Variants in WWC2 observed in about 807,000 individuals in gnomAD.
The protein encoded by WWC2 is WW and C2 domain containing 2, also known as protein WWC2.
WWC2 carries 101 observed loss-of-function variants against 138.5 expected under a neutral mutation model. That is an observed-to-expected ratio of 0.73 (90% CI 0.62 to 0.86). WWC2 has a LOEUF of 0.86. Ranked by LOEUF, WWC2 falls within the 40% of genes least tolerant of loss-of-function variation. The pLI, the probability that WWC2 is intolerant of heterozygous loss-of-function variation, is 0.00. For missense variants in WWC2, 1,420 were observed against 1,419.4 expected, an observed-to-expected ratio of 1.00 and a Z score of -0.01; for synonymous variants, 558 against 538.4, an observed-to-expected ratio of 1.04 and a Z score of -0.50.
At chr4:183,110,801 C>T (rs1579946263) in intron 1 of WWC2, among the ~76,000 whole-genome samples, 2 of 152,128 alleles carry the variant, frequency 1.3e-5, no homozygotes, top group African/African-American at 4.8e-5. Flanking sequence ...AAGAGGCTTT[C>T]CTTTGGTGTG....
rs1189890495 is a variant in WWC2, at chr4:183,258,191, G to A, written c.1197-1448G>A. ...AGACATGGATTTTAGTAGAGTTTGG[G>A]GCTTTCTTCAGACCTTTGTGCACTT... On this transcript the variant is annotated intron_variant, in intron 9 of 22. Transcript: ENST00000403733. 2.0e-5 allele frequency among the ~76,000 whole-genome samples: 3 copies of A among 152,058 alleles called. No homozygotes were observed. The East Asian group carries it at 5.8e-4, about 29-fold the overall frequency.
intron 18 of WWC2, 59 bp downstream of exon 18, chr4:183,282,965 GGAGAT>G: frequency 6.9e-7 from 1 of 1,452,122 alleles, no homozygotes; most frequent in Admixed American, 2.6e-5. Flanking sequence ...TGTGGACTAG[GGAGAT>G]GCTTGTTTGT....
intron 10 of WWC2, 51 bp downstream of exon 10, chr4:183,259,779 C>A: frequency 8.3e-7 from 1 of 1,210,390 alleles, no homozygotes; most frequent in South Asian, 1.4e-5. Flanking sequence ...ATAGCATGTT[C>A]TTGTTCATCT....
chr4:183,246,556 CTT>C (rs2111325470), intron 6 of WWC2, among the ~76,000 whole-genome samples: 1 of 152,234 alleles, frequency 6.6e-6, no homozygotes, highest in African/African-American at 2.4e-5. Flanking sequence ...TAAATACTGA[CTT>C]TGTGCCAGAC....
chr4:183,276,971 T>TA (rs1464645077), intron 16 of WWC2, among the ~76,000 whole-genome samples: 50 of 151,338 alleles, frequency 3.3e-4, no homozygotes, highest in African/African-American at 6.3e-4. Context: ...ATCATTTCTT[T>TA]TTTATTATTA....
intron 1 of WWC2, among the ~76,000 whole-genome samples, chr4:183,115,352 G>A (rs115463995): frequency 0.046 from 7,015 of 152,248 alleles, 179 homozygotes; most frequent in African/African-American, 0.069. Context: ...ATGTGTCTTT[G>A]TGGCAGAATG....
At position 183,175,602 on chromosome 4, in the gene WWC2, C is replaced by T. The variant is rs139775000; in HGVS notation, c.132-17997C>T. 6.6e-5 allele frequency among the ~76,000 whole-genome samples: 10 copies of T among 152,232 alleles called. No homozygotes were observed. In the East Asian group the frequency reaches 1.5e-3, roughly 24 times the overall value. ...ATAACTTTTTTTGCCTTAAAAATTG[C>T]GATCCCATCGTGGTAAACATGCTGC... is the stretch of plus-strand genomic sequence containing the variant. On this transcript the variant is annotated intron_variant, in intron 1 of 22. Coordinates refer to ENST00000403733, the MANE Select transcript of WWC2 (RefSeq NM_024949.6).
At chr4:183,291,462 G>GT (rs1182002795) in intron 21 of WWC2, among the ~76,000 whole-genome samples, 3 of 152,194 alleles carry the variant, frequency 2.0e-5, no homozygotes, top group African/African-American at 7.2e-5. Context: ...ACTCTCTTGA[G>GT]TTTTTAACTC....
intron 21 of WWC2, among the ~76,000 whole-genome samples, chr4:183,299,137 T>G (rs1738738232): frequency 1.3e-5 from 2 of 152,152 alleles, no homozygotes; most frequent in Admixed American, 1.3e-4. Flanking sequence ...TCTTGCTGTG[T>G]CATCCCATGG....
intron 19 of WWC2, among the ~76,000 whole-genome samples, chr4:183,284,949 A>G (rs957862454): frequency 1.3e-5 from 2 of 152,224 alleles, no homozygotes; most frequent in African/African-American, 4.8e-5. Flanking sequence ...TAATATTATA[A>G]ACTGGGTTAG....
At chr4:183,207,654 A>G (rs918669537) in intron 2 of WWC2, among the ~76,000 whole-genome samples, 1 of 152,132 alleles carries the variant, frequency 6.6e-6, no homozygotes, top group African/African-American at 2.4e-5. Context: ...GCTGGAATGA[A>G]TAGCTTGGCT....
chr4:183,296,281 T>G (rs942718419), intron 21 of WWC2, among the ~76,000 whole-genome samples: 77 of 152,346 alleles, frequency 5.1e-4, no homozygotes, highest in African/African-American at 1.8e-3. Flanking sequence ...ACAGGCCTTC[T>G]GGCACCCACA....
At chr4:183,228,572 G>A (rs1243796387) in intron 4 of WWC2, among the ~76,000 whole-genome samples, 1 of 152,114 alleles carries the variant, frequency 6.6e-6, no homozygotes, top group Non-Finnish European at 1.5e-5. Flanking sequence ...GTATTGGTTA[G>A]ACCACATTCT....
chr4:183,249,652 A>G (rs1560866199), intron 7 of WWC2, among the ~76,000 whole-genome samples: 1 of 152,220 alleles, frequency 6.6e-6, no homozygotes, highest in Non-Finnish European at 1.5e-5. Flanking sequence ...TTACCTTGGT[A>G]TTTACAGTAT....
At chr4:183,131,054 A>T (rs1323359177) in intron 1 of WWC2, among the ~76,000 whole-genome samples, 1 of 152,194 alleles carries the variant, frequency 6.6e-6, no homozygotes, top group Non-Finnish European at 1.5e-5. Flanking sequence ...ATAATAAAAA[A>T]TCCGGAGGTA....
chr4:183,184,129 GT>G (rs2111190479), intron 1 of WWC2, among the ~76,000 whole-genome samples: 1 of 152,254 alleles, frequency 6.6e-6, no homozygotes, highest in Non-Finnish European at 1.5e-5. Flanking sequence ...CCACTGAGCA[GT>G]TTCTATTTAC....
At chr4:183,161,274 A>G (rs1276194399) in intron 1 of WWC2, among the ~76,000 whole-genome samples, 1 of 152,214 alleles carries the variant, frequency 6.6e-6, no homozygotes, top group Non-Finnish European at 1.5e-5. Flanking sequence ...CTACAAACAG[A>G]AACTTCATTA....
At chr4:183,112,565 A>G (rs1224374740) in intron 1 of WWC2, among the ~76,000 whole-genome samples, 1 of 152,222 alleles carries the variant, frequency 6.6e-6, no homozygotes, top group African/African-American at 2.4e-5. Context: ...CAATCAAACT[A>G]TTCGTCACAC....
intron 2 of WWC2, among the ~76,000 whole-genome samples, chr4:183,206,279 CT>C (rs1208593264): frequency 2.6e-5 from 4 of 151,952 alleles, no homozygotes; most frequent in Admixed American, 2.6e-4. Context: ...TTGTGTTTTG[CT>C]TTGTTTTTTA....
Sources: gnomAD v4.1 joint callset for allele counts (sites outside exome capture counted in the v4.1 genomes callset) on GRCh38, gnomAD v4.1.1 for gene constraint, MANE v1.5 for transcripts, NCBI Gene and HGNC (gene_info 2026-07-23, HGNC 2026-07-21) for gene names.